The following TESK2 variants were observed in gnomAD, a reference collection of about 807,000 sequenced individuals.
The protein encoded by TESK2 is dual specificity testis-specific protein kinase 2.
A neutral mutation model predicts 57.1 loss-of-function variants in TESK2; 39 were observed. The ratio of observed to expected loss-of-function variants is 0.68; its 90% CI spans 0.53 to 0.89. The LOEUF (loss-of-function observed/expected upper bound fraction) is 0.89, where lower values mean the gene tolerates loss of function less well. TESK2 is among the 40% of genes least tolerant of loss of function. The probability of loss-of-function intolerance (pLI) is 0.00; values close to 1 mark genes in which losing one functional copy is unlikely to be tolerated. For missense variants in TESK2, 646 were observed against 732.1 expected (o/e 0.88, Z 1.36); for synonymous variants, 249 against 267.9 (o/e 0.93, Z 0.69).
intron 5 of TESK2, among the ~76,000 whole-genome samples, chr1:45,353,145 G>A (rs994865975): frequency 2.0e-5 from 3 of 152,058 alleles, no homozygotes; most frequent in African/African-American, 4.8e-5. Context: ...TGATCTGCCC[G>A]CCTCGGCCTC....
chr1:45,412,692 A>C (rs937813199), intron 3 of TESK2, among the ~76,000 whole-genome samples: 1 of 152,154 alleles, frequency 6.6e-6, no homozygotes, highest in Admixed American at 6.5e-5. Flanking sequence ...GAATTGAAGG[A>C]GTCTAAAAGA....
At position 45,345,400 on chromosome 1, in the gene TESK2, A is replaced by G; in HGVS notation, c.1156T>C (p.Tyr386His). The G allele has an allele frequency of 6.2e-7, 1 of 1,614,038 alleles. No individual in the cohort carries two copies. Among genetic ancestry groups the G allele is most frequent in the Non-Finnish European group, 8.5e-7 (1 of 1,180,002 alleles). ...GCAGCACCATCTCGTGGCCGGTAGT[A>G]TGGGTCCAAGACACTCACTGTACGT... Reference protein sequence around the residue: ...PPRTVSVLDPYYRPRDGAART... With the variant: ...PPRTVSVLDPHYRPRDGAART... The change falls in exon 11 of 11, where the codon TAC (tyrosine) becomes CAC (histidine). Residue 386 changes from tyrosine to histidine, a missense_variant. Coordinates refer to ENST00000372086, the MANE Select transcript of TESK2 (RefSeq NM_007170.3).
chr1:45,472,448 C>T (rs1181506568), intron 1 of TESK2, among the ~76,000 whole-genome samples: 2 of 150,948 alleles, frequency 1.3e-5, no homozygotes, highest in African/African-American at 2.4e-5. Context: ...ATCCCAGCTA[C>T]TTGGGAGGCT....
chr1:45,393,311 C>A (rs936926082), intron 3 of TESK2, among the ~76,000 whole-genome samples: 4 of 152,184 alleles, frequency 2.6e-5, no homozygotes, highest in South Asian at 4.2e-4. Context: ...AACCATATCA[C>A]AATCGTGTCA....
chr1:45,422,303 T>C (rs1178868960), intron 2 of TESK2, among the ~76,000 whole-genome samples: 4 of 152,046 alleles, frequency 2.6e-5, no homozygotes, highest in Non-Finnish European at 5.9e-5. Context: ...GAAGGGAACT[T>C]AGAACTTAGT....
chr1:45,414,011 C>T (rs1402916148), intron 3 of TESK2: 1 of 343,668 alleles, frequency 2.9e-6, no homozygotes, highest in Non-Finnish European at 5.7e-6. Flanking sequence ...AATACAAATT[C>T]TAAGAACCTT....
chr1:45,457,071 C>T (rs768808198), intron 2 of TESK2, among the ~76,000 whole-genome samples: 1 of 152,116 alleles, frequency 6.6e-6, no homozygotes, highest in African/African-American at 2.4e-5. Context: ...CAGCCTCAAG[C>T]GAGCCTCCTG....
chr1:45,380,498 CTCTT>C (rs1553146999), intron 4 of TESK2, among the ~76,000 whole-genome samples: 3 of 152,174 alleles, frequency 2.0e-5, no homozygotes, highest in South Asian at 2.1e-4. Flanking sequence ...TTTCTCTTCT[CTCTT>C]TCTTCCTCTC....
At chr1:45,473,786 G>A (rs1045146003) in intron 1 of TESK2, among the ~76,000 whole-genome samples, 4 of 149,710 alleles carry the variant, frequency 2.7e-5, no homozygotes, top group African/African-American at 9.8e-5. Context: ...AGCTATAAAA[G>A]ACAATTAGGG....
chr1:45,358,949 T>C (rs1647562268), intron 4 of TESK2, among the ~76,000 whole-genome samples: 1 of 152,164 alleles, frequency 6.6e-6, no homozygotes. Flanking sequence ...AGCTCAAAAA[T>C]GAATTTACTC....
chr1:45,375,039 A>C (rs991700019), intron 4 of TESK2, among the ~76,000 whole-genome samples: 3 of 152,130 alleles, frequency 2.0e-5, no homozygotes. Context: ...CCTTTTTTGC[A>C]GTCTTTATGT....
At chr1:45,470,263 C>G (rs1652708904) in intron 1 of TESK2, among the ~76,000 whole-genome samples, 1 of 152,194 alleles carries the variant, frequency 6.6e-6, no homozygotes, top group Admixed American at 6.5e-5. Context: ...GGAATACTGA[C>G]AAGTACATTA....
Position 45,384,609 on chromosome 1 carries a change from T to TATTTA in TESK2, c.393+1302_393+1303insTAAAT, listed in dbSNP as rs1557551554. 2.2e-4 allele frequency among the ~76,000 whole-genome samples: 29 copies of TATTTA among 130,482 alleles called. 1 individual carries two copies. The highest frequency in any genetic ancestry group is 7.4e-4 in the African/African-American group (25 of 33,876). The allele number at this position is 130,482 out of a possible 152,430, so 85.6% of individuals were successfully genotyped here. A position where few individuals can be genotyped will look rare whatever the true frequency, so the allele number is the denominator to read the frequency against. On this transcript the variant is annotated intron_variant, in intron 4 of 10. Coordinates refer to ENST00000372086, the MANE Select transcript of TESK2 (RefSeq NM_007170.3). ...TAATTATTAATTTTTTTTTTTTTTT[T>TATTTA]TTTTTTTTTTTTTTTTTGTAGAGAC... is the stretch of plus-strand genomic sequence containing the variant.
At chr1:45,408,730 G>A (rs1649936653) in intron 3 of TESK2, among the ~76,000 whole-genome samples, 1 of 152,168 alleles carries the variant, frequency 6.6e-6, no homozygotes, top group Non-Finnish European at 1.5e-5. Context: ...GGTAGGATAG[G>A]AATGATTCTT....
At chr1:45,440,594 T>C (rs923063303) in intron 2 of TESK2, among the ~76,000 whole-genome samples, 1 of 151,832 alleles carries the variant, frequency 6.6e-6, no homozygotes, top group Non-Finnish European at 1.5e-5. Context: ...TGTGTGCTTG[T>C]ATTCCCAGCT....
chr1:45,447,516 A>G (rs1557577487), intron 2 of TESK2, among the ~76,000 whole-genome samples: 1 of 152,114 alleles, frequency 6.6e-6, no homozygotes, highest in Admixed American at 6.6e-5. Context: ...ATATCCTATG[A>G]TAACAGTGCC....
At chr1:45,369,936 C>T (rs921976868) in intron 4 of TESK2, among the ~76,000 whole-genome samples, 3 of 152,182 alleles carry the variant, frequency 2.0e-5, no homozygotes, top group African/African-American at 4.8e-5. Flanking sequence ...TGGTCTCGAA[C>T]TCCTGACCTC....
At position 45,357,607 on chromosome 1, in the gene TESK2, G is replaced by A. The variant is rs190263507; in HGVS notation, c.394-2158C>T. Among the ~76,000 whole-genome samples, 7 of 151,408 alleles carry A rather than the reference G, an allele frequency of 4.6e-5. No homozygotes were observed. In the East Asian group the frequency reaches 1.2e-3, roughly 25 times the overall value. On this transcript the variant is annotated intron_variant, in intron 4 of 10. Transcript: ENST00000372086. ...AAGTGAATAAGGCTGGGCACGGTAGGAGGCCAAGGTGGGAGGATCACTTGA... is the reference window on the plus strand; with the variant it reads ...AAGTGAATAAGGCTGGGCACGGTAGAAGGCCAAGGTGGGAGGATCACTTGA...
intron 4 of TESK2, among the ~76,000 whole-genome samples, chr1:45,367,010 T>C (rs1217984078): frequency 6.6e-6 from 1 of 152,038 alleles, no homozygotes; most frequent in East Asian, 1.9e-4. Context: ...GGTGCATGCC[T>C]GTAGTCTCAG....
Sources: gnomAD v4.1 joint callset for allele counts (sites outside exome capture counted in the v4.1 genomes callset) on GRCh38, gnomAD v4.1.1 for gene constraint, MANE v1.5 for transcripts, NCBI Gene and HGNC (gene_info 2026-07-23, HGNC 2026-07-21) for gene names.